CPOX: variants seen among roughly 807,000 people sequenced by gnomAD.
The protein encoded by CPOX is oxygen-dependent coproporphyrinogen-III oxidase, mitochondrial.
In CPOX, 24 loss-of-function variants were observed where a neutral mutation model predicts 48.9. The observed-to-expected ratio is 0.49, with a 90% CI of 0.36 to 0.69. The LOEUF is 0.69. CPOX is among the 30% of genes least tolerant of loss of function. The pLI is 0.00. For synonymous variants in CPOX, 249 were observed against 234.6 expected (o/e 1.06, Z -0.56); for missense variants, 549 against 597.3 (o/e 0.92, Z 0.84).
At chr3:98,585,372 C>T (rs1707341373) in intron 5 of CPOX, 69 bp downstream of exon 5, 1 of 1,200,558 alleles carries the variant, frequency 8.3e-7, no homozygotes, top group South Asian at 1.2e-5. Flanking sequence ...AACACAACAC[C>T]CGCTATTATT....
At chr3:98,587,977 A>C (rs1707398534) in intron 4 of CPOX, among the ~76,000 whole-genome samples, 1 of 152,214 alleles carries the variant, frequency 6.6e-6, no homozygotes, top group African/African-American at 2.4e-5. Context: ...AGTAATATTA[A>C]ATCAAGAGAA....
chr3:98,584,324 G>A (rs1412659549), intron 5 of CPOX, among the ~76,000 whole-genome samples: 2 of 151,996 alleles, frequency 1.3e-5, no homozygotes, highest in Non-Finnish European at 2.9e-5. Context: ...CCCAAAATAA[G>A]TATCAAGTGA....
rs1190089923 is a variant in CPOX at position 98,580,746 on chromosome 3, T to C, written c.1302A>G (p.Ser434=). 2 of 1,614,082 alleles carry C rather than the reference T, an allele frequency of 1.2e-6. No homozygotes were observed. The highest frequency in any genetic ancestry group is 1.7e-6 in the Non-Finnish European group (2 of 1,180,006). The change falls in exon 7 of 7, where the codon TCA becomes TCG. Residue 434 remains serine (S), a synonymous_variant. Transcript: ENST00000647941. ...TARWEYMHSP[S]ENSKEAEILE... ...GAATTTCAGCTTCTTTGGAATTCTC[T>C]GAGGGTGAATGCATGTACTCCCATC... is the stretch of plus-strand genomic sequence containing the variant.
intron 4 of CPOX, among the ~76,000 whole-genome samples, chr3:98,587,913 AAAAC>A (rs926300108): frequency 6.6e-6 from 1 of 152,176 alleles, no homozygotes; most frequent in Non-Finnish European, 1.5e-5. Context: ...GAGAGAGGAA[AAAAC>A]AAACAAAAAA....
chr3:98,585,442 G>A lies in CPOX; in HGVS notation c.1171C>T (p.Arg391Trp), dbSNP rs375923779. 7 of 1,613,388 alleles carry A rather than the reference G, an allele frequency of 4.3e-6. No individual in the cohort carries two copies. Among genetic ancestry groups the A allele is most frequent in the East Asian group, 2.2e-5 (1 of 44,874 alleles). ...AGAATTCGTTTTCCAGTCACTTACC[G>A]TCCTCTTCTGAGCTGCTGCCACAGC... The part of the protein sequence containing the change: ...EKLWQQLRRG[R>W]YVEFNLLYDR... Residue 391 changes from arginine to tryptophan, a missense_variant and splice_region_variant, in exon 5 of 7, where the codon CGG (arginine) becomes TGG (tryptophan). Coordinates refer to ENST00000647941, the MANE Select transcript of CPOX (RefSeq NM_000097.7).
the CPOX span, among the ~76,000 whole-genome samples, chr3:98,571,697 AAG>A: frequency 0.41 from 55,011 of 134,734 alleles, 11,066 homozygotes; most frequent in Middle Eastern, 0.48. Context: ...CAAAAAAAAA[AAG>A]AAAAAAGAAA....
intron 4 of CPOX, among the ~76,000 whole-genome samples, chr3:98,586,628 C>T (rs1707368868): frequency 6.6e-6 from 1 of 152,158 alleles, no homozygotes; most frequent in African/African-American, 2.4e-5. Flanking sequence ...CCCTCTATGA[C>T]TACTAGAACA....
chr3:98,572,219 T>C, the CPOX span, among the ~76,000 whole-genome samples: 2 of 152,218 alleles, frequency 1.3e-5, no homozygotes, highest in Non-Finnish European at 2.9e-5. Flanking sequence ...AATATAGTTA[T>C]GTACTTTGGT....
At chr3:98,590,888 T>G (rs1195772915) in intron 2 of CPOX, 124 bp downstream of exon 2, 4 of 1,277,836 alleles carry the variant, frequency 3.1e-6, no homozygotes, top group Non-Finnish European at 4.5e-6. Flanking sequence ...AAAGTATTTG[T>G]CAACGTGCGG....
chr3:98,577,162 A>AAAAGTGGT (rs895679125), downstream of CPOX, among the ~76,000 whole-genome samples: 1 of 152,064 alleles, frequency 6.6e-6, no homozygotes, highest in African/African-American at 2.4e-5. Flanking sequence ...GAAGTTCAGG[A>AAAAGTGGT]AAAGTGGTGA....
chr3:98,590,172 G>A (rs1386366485), intron 3 of CPOX, among the ~76,000 whole-genome samples: 1 of 152,232 alleles, frequency 6.6e-6, no homozygotes, highest in Non-Finnish European at 1.5e-5. Context: ...TTTTGAGACG[G>A]AGTCTCGCTC....
At position 98,580,163 on chromosome 3, in the gene CPOX, G is replaced by A. The variant is rs1707226170; in HGVS notation, c.*520C>T. On this transcript the variant is annotated 3_prime_UTR_variant, in exon 7 of 7. Transcript: ENST00000647941. Reference sequence around the variant, plus strand: ...ATGTGTATCTATTTGACAATATTATGTTCTCTGGAGAAAGATATATAAGGA... The same window carrying A: ...ATGTGTATCTATTTGACAATATTATATTCTCTGGAGAAAGATATATAAGGA... The A allele has an allele frequency of 1.0e-6, 1 of 982,348 alleles. No individual in the cohort carries two copies. The highest frequency in any genetic ancestry group is 1.2e-6 in the Non-Finnish European group (1 of 826,904). The allele number at this position is 982,348 out of a possible 1,614,324, so 60.9% of individuals were successfully genotyped here. A position where few individuals can be genotyped will look rare whatever the true frequency, so the allele number is the denominator to read the frequency against.
At chr3:98,589,945 T>C (rs1576303897) in intron 3 of CPOX, among the ~76,000 whole-genome samples, 1 of 152,366 alleles carries the variant, frequency 6.6e-6, no homozygotes, top group Non-Finnish European at 1.5e-5. Context: ...CCCTGGTGAC[T>C]AGCAAAGCTA....
rs1452634047 is a variant in CPOX at position 98,593,476 on chromosome 3, G to C, written c.29C>G (p.Ser10Trp). 4 of 1,513,854 alleles carry C rather than the reference G, an allele frequency of 2.6e-6. No individual in the cohort carries two copies. The highest frequency in any genetic ancestry group is 1.4e-5 in the African/African-American group (1 of 70,926). 93.8% of individuals were successfully genotyped at this position (1,513,854 alleles called of 1,614,324 possible). Residue 10 changes from serine to tryptophan, a missense_variant, in exon 1 of 7, where the codon TCG becomes TGG. Physicochemically the swap from Ser to Trp is radical, Grantham distance 177. Around this residue, in one of 2 missense-constraint regions of CPOX, gnomAD observed 336 missense variants for 318.1 expected, o/e 1.06. Coordinates refer to ENST00000647941, the MANE Select transcript of CPOX (RefSeq NM_000097.7). MALQLGRLS[S>W]GPCWLVARGG... The stretch of plus-strand genomic sequence containing the variant: ...CCGCGCCACGAGCCAGCAGGGGCCC[G>C]AGCTCAGCCTGCCCAGCTGCAAGGC...
chr3:98,591,140 C>A lies in CPOX; in HGVS notation c.572G>T (p.Ser191Ile). 6.2e-7 allele frequency: 1 copy of A among 1,614,162 alleles called. No homozygotes were observed. Among genetic ancestry groups the A allele is most frequent in the South Asian group, 1.1e-5 (1 of 91,084 alleles). Residue 191 changes from serine to isoleucine, a missense_variant, in exon 2 of 7, where the codon AGC becomes ATC. Around this residue, in one of 2 missense-constraint regions of CPOX, gnomAD observed 336 missense variants for 318.1 expected, o/e 1.06. Transcript: ENST00000647941. Reference protein sequence around the residue: ...WERKEGGGGISCVLQDGCVFE... With the variant: ...WERKEGGGGIICVLQDGCVFE... ...AACACACCCATCTTGAAGTACACAG[C>A]TGATGCCGCCACCTCCTGTGTATAG...
In CPOX at chr3:98,590,647, C is replaced by T. The variant is rs1449181172; in HGVS notation, c.796G>A (p.Val266Ile). 4 of 1,611,774 alleles carry T rather than the reference C, an allele frequency of 2.5e-6. No individual in the cohort carries two copies. The African/African-American group carries it at 5.3e-5, about 21-fold the overall frequency. The part of the protein sequence containing the change: ...TIHFNYRYFE[V>I]EEADGNKQWW... Reference sequence around the variant, plus strand: ...AGACCCTTACCATCAGCTTCTTCTACTTCAAAGTATCTGTAGTTGAAATGG... The same window carrying T: ...AGACCCTTACCATCAGCTTCTTCTATTTCAAAGTATCTGTAGTTGAAATGG... Residue 266 changes from valine (V) to isoleucine (I), a missense_variant, in exon 3 of 7, where the codon GTA becomes ATA. Physicochemically the swap from Val to Ile is conservative, Grantham distance 29 (BLOSUM62 3). This residue lies in a region of CPOX where 213 missense variants were observed against 279.1 expected (regional missense o/e 0.76). Coordinates refer to ENST00000647941, the MANE Select transcript of CPOX (RefSeq NM_000097.7).
In CPOX at chr3:98,593,108, G is replaced by T. The variant is rs1269334973; in HGVS notation, c.397C>A (p.Pro133Thr). The T allele has an allele frequency of 1.9e-6, 3 of 1,613,584 alleles. No homozygotes were observed. Among genetic ancestry groups the T allele is most frequent in the African/African-American group, 2.7e-5 (2 of 74,904 alleles). Residue 133 changes from proline (P) to threonine (T), a missense_variant, in exon 1 of 7, where the codon CCG (proline) becomes ACG (threonine). Transcript: ENST00000647941. ...AGCTCGCCCAGGTCGGTCACAGGCG[G>T]GGCCATGAAGCTGCTGCAGCGGTGG... ...LAHRCSSFMA[P>T]PVTDLGELRR...
intron 5 of CPOX, among the ~76,000 whole-genome samples, chr3:98,584,764 G>A (rs182515875): frequency 1.4e-3 from 207 of 152,288 alleles, no homozygotes; most frequent in Non-Finnish European, 2.1e-3. Context: ...ACACCCCACT[G>A]AGCTCACCAG....
At position 98,580,787 on chromosome 3, in the gene CPOX, C is replaced by G. The variant is rs534589751; in HGVS notation, c.1278-17G>C. ...TACTCCCATCTATGCATGTCCAAAA[C>G]AAAAGCAAAAAACGTCATAAAAAAT... On this transcript the variant is annotated splice_polypyrimidine_tract_variant and intron_variant, in intron 6 of 6. Coordinates refer to ENST00000647941, the MANE Select transcript of CPOX (RefSeq NM_000097.7). The G allele has an allele frequency of 6.8e-6, 11 of 1,607,384 alleles. No individual in the cohort carries two copies. Among genetic ancestry groups the G allele is most frequent in the African/African-American group, 2.7e-5 (2 of 73,644 alleles).
Sources: gnomAD v4.1 joint callset for allele counts (sites outside exome capture counted in the v4.1 genomes callset) on GRCh38, gnomAD v4.1.1 for gene constraint, gnomAD v4.1.1 regional missense constraint, MANE v1.5 for transcripts, NCBI Gene and HGNC (gene_info 2026-07-23, HGNC 2026-07-21) for gene names.